TCF20: variants seen among roughly 807,000 people sequenced by gnomAD.
The protein encoded by TCF20 is transcription factor 20, also known as SPRE-binding protein.
A neutral mutation model predicts 148.6 loss-of-function variants in TCF20; 3 were observed. The observed-to-expected ratio is 0.02, with a 90% CI of 0.01 to 0.05. The LOEUF (loss-of-function observed/expected upper bound fraction) is 0.05. Ranked by LOEUF, TCF20 falls within the 10% of genes least tolerant of loss-of-function variation. TCF20 has a pLI of 1.00. For missense variants in TCF20, 2,350 were observed against 2,429.3 expected, an observed-to-expected ratio of 0.97 and a Z score of 0.69; for synonymous variants, 1,049 against 909.5, an observed-to-expected ratio of 1.15 and a Z score of -2.76.
chr22:42,332,731 G>A (rs1184085622), intron 1 of TCF20, among the ~76,000 whole-genome samples: 2 of 152,224 alleles, frequency 1.3e-5, no homozygotes, highest in East Asian at 1.9e-4. Flanking sequence ...GCCTCCCAAA[G>A]TGCTGGGATT....
rs1925686408 is a variant in TCF20, at chr22:42,255,492, AACAACAACAACAACAAC to A, written c.-37+14830_-37+14846del. 2.5e-4 allele frequency among the ~76,000 whole-genome samples: 38 copies of A among 149,514 alleles called. 2 individuals carry two copies. The highest frequency in any genetic ancestry group is 1.5e-3 in the Admixed American group (22 of 15,064). On this transcript the variant is annotated intron_variant, in intron 1 of 5. Transcript: ENST00000677622. ...AACAGAGTGAGACTTCATCTCAAAC[AACAACAACAACAACAAC>A]AACAACAACAACAACAACAAAACCA... is the stretch of plus-strand genomic sequence containing the variant.
chr22:42,214,474 C>T lies in TCF20; in HGVS notation c.832G>A (p.Gly278Ser). ...GTTCCATAAGCCTGTGCATTAGAAC[C>T]CACATTGTGTCCTTCATACTGAGAT... Reference protein sequence around the residue: ...AGSQYEGHNVGSNAQAYGTQS... With the variant: ...AGSQYEGHNVSSNAQAYGTQS... Residue 278 changes from glycine (G) to serine (S), a missense_variant, in exon 2 of 6, where the codon GGT becomes AGT. Gly to Ser is a moderately conservative substitution (Grantham distance 56, BLOSUM62 0). Coordinates refer to ENST00000677622, the MANE Select transcript of TCF20 (RefSeq NM_001378418.1). 1.2e-6 allele frequency: 2 copies of T among 1,614,166 alleles called. No individual in the cohort carries two copies. The highest frequency in any genetic ancestry group is 2.2e-5 in the South Asian group (2 of 91,076).
intron 1 of TCF20, among the ~76,000 whole-genome samples, chr22:42,216,831 C>G (rs1017872942): frequency 2.6e-5 from 4 of 152,162 alleles, no homozygotes; most frequent in African/African-American, 9.7e-5. Flanking sequence ...ATTATAATCC[C>G]TCTTAATCAA....
At chr22:42,215,701 G>A (rs777125573) in intron 1 of TCF20, among the ~76,000 whole-genome samples, 2 of 152,126 alleles carry the variant, frequency 1.3e-5, no homozygotes, top group Non-Finnish European at 2.9e-5. Context: ...TCGAACTCCT[G>A]ACCTCGTGAT....
intron 1 of TCF20, among the ~76,000 whole-genome samples, chr22:42,310,434 G>A (rs1237141957): frequency 1.4e-5 from 2 of 144,610 alleles, no homozygotes; most frequent in South Asian, 2.5e-4. Context: ...GCTCTCTGGG[G>A]GGTTGTGCGG....
intron 2 of TCF20, among the ~76,000 whole-genome samples, chr22:42,208,608 AAAACC>A (rs1938550044): frequency 6.6e-6 from 1 of 152,050 alleles, no homozygotes. Flanking sequence ...AAAACAAAAC[AAAACC>A]AAAACAAAAC....
chr22:42,162,238 A>G (rs189079998), intron 5 of TCF20, among the ~76,000 whole-genome samples: 86 of 152,038 alleles, frequency 5.7e-4, no homozygotes, highest in Non-Finnish European at 1.1e-3. Flanking sequence ...CGGCCTCCCA[A>G]AGTGTTGGGA....
intron 1 of TCF20, among the ~76,000 whole-genome samples, chr22:42,321,344 C>T (rs537715482): frequency 2.0e-5 from 3 of 152,320 alleles, no homozygotes; most frequent in African/African-American, 7.2e-5. Flanking sequence ...GAAGCCTGTC[C>T]CATGGCCAGC....
At chr22:42,161,430 T>G in intron 5 of TCF20, 72 bp from the exon 6 acceptor site, 2 of 1,607,526 alleles carry the variant, frequency 1.2e-6, no homozygotes, top group Non-Finnish European at 1.7e-6. Flanking sequence ...CGCTGTTCCG[T>G]GGTACCCCTG....
intron 2 of TCF20, among the ~76,000 whole-genome samples, chr22:42,206,855 T>G (rs1938421169): frequency 6.6e-6 from 1 of 152,210 alleles, no homozygotes; most frequent in African/African-American, 2.4e-5. Context: ...AATAATATGG[T>G]AGACTACTAA....
At chr22:42,318,677 A>T (rs1043348828) in intron 1 of TCF20, among the ~76,000 whole-genome samples, 2 of 152,176 alleles carry the variant, frequency 1.3e-5, no homozygotes, top group Non-Finnish European at 2.9e-5. Flanking sequence ...CCAGGCCCCC[A>T]GCCACCAGGC....
At chr22:42,295,432 GTTTTC>G (rs1324681533) in intron 1 of TCF20, among the ~76,000 whole-genome samples, 1 of 146,474 alleles carries the variant, frequency 6.8e-6, no homozygotes, top group African/African-American at 2.5e-5. Flanking sequence ...CCTCCCTTAT[GTTTTC>G]TTTTCTTTTT....
At chr22:42,241,319 G>A (rs1831608553) in intron 1 of TCF20, among the ~76,000 whole-genome samples, 1 of 152,182 alleles carries the variant, frequency 6.6e-6, no homozygotes, top group African/African-American at 2.4e-5. Flanking sequence ...ACCATGAGAG[G>A]CAGTTATAGA....
chr22:42,165,575 C>T (rs563714480), intron 5 of TCF20, among the ~76,000 whole-genome samples: 1 of 152,334 alleles, frequency 6.6e-6, no homozygotes, highest in African/African-American at 2.4e-5. Flanking sequence ...GCACTCCTGG[C>T]GAGGGTCAGG....
chr22:42,284,216 C>A (rs1030379259), upstream of TCF20, among the ~76,000 whole-genome samples: 5 of 151,946 alleles, frequency 3.3e-5, no homozygotes, highest in African/African-American at 1.2e-4. Flanking sequence ...AGGGGAGGGG[C>A]GGGCTCATCT....
intron 1 of TCF20, among the ~76,000 whole-genome samples, chr22:42,230,624 G>C (rs546460086): frequency 6.8e-6 from 1 of 147,082 alleles, no homozygotes; most frequent in Admixed American, 6.9e-5. Context: ...CAGTCTGGGC[G>C]ACAGAGAGAG....
intron 5 of TCF20, among the ~76,000 whole-genome samples, chr22:42,163,864 C>G (rs886579839): frequency 1.3e-5 from 2 of 152,214 alleles, no homozygotes; most frequent in African/African-American, 2.4e-5. Context: ...GGGCCAACAC[C>G]TTCCCAGGCT....
At chr22:42,163,789 CTG>C (rs554941052) in intron 5 of TCF20, among the ~76,000 whole-genome samples, 111 of 152,320 alleles carry the variant, frequency 7.3e-4, no homozygotes, top group African/African-American at 2.5e-3. Context: ...GTGCTGAAGA[CTG>C]TGAATTCTCT....
chr22:42,318,271 C>A (rs1016089652), intron 1 of TCF20, among the ~76,000 whole-genome samples: 9 of 152,218 alleles, frequency 5.9e-5, no homozygotes, highest in African/African-American at 2.2e-4. Flanking sequence ...CCATGGAAAC[C>A]ACAAGGCCTC....
Sources: allele counts gnomAD v4.1 joint callset (sites outside exome capture counted in the v4.1 genomes callset), GRCh38; gene constraint gnomAD v4.1.1; transcripts MANE v1.5; gene names NCBI Gene and HGNC (gene_info 2026-07-23, HGNC 2026-07-21).